Variants in ACOT7 observed in about 807,000 individuals in gnomAD.
The protein encoded by ACOT7 is cytosolic acyl coenzyme A thioester hydrolase.
Under a neutral mutation model 40.2 loss-of-function variants are expected in ACOT7, and 12 were observed. That is an observed-to-expected ratio of 0.30 (90% CI 0.19 to 0.48). ACOT7 has a LOEUF of 0.48. ACOT7 is among the 20% of genes least tolerant of loss of function. ACOT7 has a pLI of 0.99. For synonymous variants in ACOT7, 228 were observed against 219.5 expected (o/e 1.04, Z -0.34); for missense variants, 395 against 530.8 (o/e 0.74, Z 2.51).
chr1:6,326,569 A>C (rs999422852), intron 5 of ACOT7, among the ~76,000 whole-genome samples: 18 of 152,176 alleles, frequency 1.2e-4, no homozygotes, highest in Admixed American at 2.6e-4. Context: ...GCCGGGAAGA[A>C]GTGGCGCTTG....
chr1:6,390,949 A>G (rs1244344475), intron 1 of ACOT7, among the ~76,000 whole-genome samples: 3 of 151,682 alleles, frequency 2.0e-5, no homozygotes, highest in Non-Finnish European at 4.4e-5. Flanking sequence ...CAAACAAACA[A>G]ACAAACAAAA....
In ACOT7 at chr1:6,338,737, T is replaced by C. The variant is rs1641178314; in HGVS notation, c.418+696A>G. On this transcript the variant is annotated intron_variant, in intron 3 of 8. Coordinates refer to ENST00000361521, the MANE Select transcript of ACOT7 (RefSeq NM_007274.4). This position sits in a 1 kb window ranked among gnomAD's most constrained non-coding sequence, Gnocchi z 4.4. ...AGGAAACCGGCCCAGCCTCTCTGCA[T>C]GGGAGGACTGGTGACCTGGGAGGTG... Among the ~76,000 whole-genome samples the C allele has an allele frequency of 6.6e-6, 1 of 151,828 alleles. No homozygotes were observed. Among genetic ancestry groups the C allele is most frequent in the African/African-American group, 2.4e-5 (1 of 41,316 alleles).
intron 6 of ACOT7, among the ~76,000 whole-genome samples, chr1:6,304,213 G>A: frequency 6.6e-6 from 1 of 151,568 alleles, no homozygotes; most frequent in East Asian, 1.9e-4. Context: ...TGAAGGGTTT[G>A]TGTTCATCAC....
intron 7 of ACOT7, among the ~76,000 whole-genome samples, chr1:6,284,176 C>T (rs1392540475): frequency 6.6e-6 from 1 of 152,168 alleles, no homozygotes; most frequent in East Asian, 1.9e-4. Context: ...CCACACATGA[C>T]ACCAAGGTCT....
chr1:6,339,606 A>G lies in ACOT7; in HGVS notation c.262-17T>C. On this transcript the variant is annotated splice_polypyrimidine_tract_variant and intron_variant, in intron 2 of 8. Coordinates refer to ENST00000361521, the MANE Select transcript of ACOT7 (RefSeq NM_007274.4). ...ACAGCGCTCCTGTGGAGACAGAGGCAGTTGTCAGCCCAGGTCAGCCAGCCC... is the reference window on the plus strand; with the variant it reads ...ACAGCGCTCCTGTGGAGACAGAGGCGGTTGTCAGCCCAGGTCAGCCAGCCC... 2 of 1,608,788 alleles carry G rather than the reference A, an allele frequency of 1.2e-6. No individual in the cohort carries two copies. Among genetic ancestry groups the G allele is most frequent in the Non-Finnish European group, 1.7e-6 (2 of 1,176,436 alleles).
intron 1 of ACOT7, among the ~76,000 whole-genome samples, chr1:6,375,889 G>A (rs1441709106): frequency 6.7e-6 from 1 of 149,984 alleles, no homozygotes; most frequent in Non-Finnish European, 1.5e-5. Context: ...AGTGAGCCGA[G>A]ATTGTGCCAC....
At chr1:6,329,411 AAG>A (rs1359920937) in intron 4 of ACOT7, among the ~76,000 whole-genome samples, 15 of 152,342 alleles carry the variant, frequency 9.8e-5, no homozygotes, top group Admixed American at 2.6e-4. Flanking sequence ...CGACTGTGAG[AAG>A]AGAGTCTGTG....
At chr1:6,270,919 C>T (rs1161573334) in intron 8 of ACOT7, among the ~76,000 whole-genome samples, 1 of 152,170 alleles carries the variant, frequency 6.6e-6, no homozygotes, top group Non-Finnish European at 1.5e-5. Flanking sequence ...ATGTCACACC[C>T]ACACATGGGG....
At chr1:6,321,277 C>CT (rs1557649225) in intron 5 of ACOT7, among the ~76,000 whole-genome samples, 1 of 152,132 alleles carries the variant, frequency 6.6e-6, no homozygotes, top group African/African-American at 2.4e-5. Context: ...CAGTCAAAAG[C>CT]TTTTTTTCAG....
intron 1 of ACOT7, 88 bp from the exon 2 acceptor site, chr1:6,349,954 A>G: frequency 2.3e-6 from 3 of 1,306,822 alleles, no homozygotes; most frequent in East Asian, 2.3e-5. Flanking sequence ...AAGGTCCCCA[A>G]AGGGCTCAAT....
intron 1 of ACOT7, among the ~76,000 whole-genome samples, chr1:6,376,046 G>C (rs1642224945): frequency 6.6e-6 from 1 of 152,096 alleles, no homozygotes; most frequent in Non-Finnish European, 1.5e-5. Context: ...CTTGAGTTCA[G>C]AAGTTCGAGA....
intron 3 of ACOT7, among the ~76,000 whole-genome samples, chr1:6,336,515 G>A (rs1043521158): frequency 3.3e-5 from 5 of 152,264 alleles, no homozygotes; most frequent in African/African-American, 9.6e-5. Context: ...CTCGCTCAGC[G>A]GCCTCGTGAC....
At chr1:6,303,208 T>A (rs768528775) in intron 6 of ACOT7, among the ~76,000 whole-genome samples, 6 of 152,088 alleles carry the variant, frequency 3.9e-5, no homozygotes, top group Non-Finnish European at 7.4e-5. Flanking sequence ...GAAAATAACT[T>A]TGGCACATTA....
At chr1:6,297,578 C>T (rs1464992117) in intron 6 of ACOT7, among the ~76,000 whole-genome samples, 4 of 152,188 alleles carry the variant, frequency 2.6e-5, no homozygotes, top group Admixed American at 6.5e-5. Flanking sequence ...TCAAGAAACA[C>T]ATCCACCTAA....
At chr1:6,343,171 C>T (rs906802390) in intron 2 of ACOT7, among the ~76,000 whole-genome samples, 1 of 152,198 alleles carries the variant, frequency 6.6e-6, no homozygotes, top group Non-Finnish European at 1.5e-5. Context: ...AGGCAAGCGT[C>T]CCAGAGCACA....
At chr1:6,382,623 CT>C (rs1179205989) in intron 1 of ACOT7, among the ~76,000 whole-genome samples, 5 of 151,598 alleles carry the variant, frequency 3.3e-5, no homozygotes, top group African/African-American at 1.2e-4. Context: ...TGGGACCAGC[CT>C]GGCCAACATG....
At chr1:6,347,715 C>T (rs1317629107) in intron 2 of ACOT7, among the ~76,000 whole-genome samples, 4 of 151,648 alleles carry the variant, frequency 2.6e-5, no homozygotes, top group Admixed American at 6.6e-5. Flanking sequence ...TGCAGTGAGC[C>T]GGGATCGCAC....
chr1:6,331,413 G>A (rs1640951163), intron 4 of ACOT7, among the ~76,000 whole-genome samples: 1 of 152,208 alleles, frequency 6.6e-6, no homozygotes, highest in Non-Finnish European at 1.5e-5. Flanking sequence ...GACGCCTGGA[G>A]CCACCCGGCG....
At chr1:6,363,261 G>A (rs1239991427) in intron 1 of ACOT7, among the ~76,000 whole-genome samples, 1 of 152,208 alleles carries the variant, frequency 6.6e-6, no homozygotes, top group African/African-American at 2.4e-5. Context: ...TAACGCCAGC[G>A]TCTGGGAAGA....
Sources: gnomAD v4.1 joint callset for allele counts (sites outside exome capture counted in the v4.1 genomes callset) on GRCh38, gnomAD v4.1.1 for gene constraint, Gnocchi (gnomAD v3.1) non-coding constraint, MANE v1.5 for transcripts, NCBI Gene and HGNC (gene_info 2026-07-23, HGNC 2026-07-21) for gene names.